EPHA7: variants seen among roughly 807,000 people sequenced by gnomAD.
The protein encoded by EPHA7 is EPH receptor A7.
Under a neutral mutation model 112.6 loss-of-function variants are expected in EPHA7, and 25 were observed. The observed-to-expected ratio is 0.22, with a 90% confidence interval of 0.16 to 0.31. The LOEUF (loss-of-function observed/expected upper bound fraction) is 0.31, where lower values mean the gene tolerates loss of function less well. EPHA7 is among the 10% of genes least tolerant of loss of function. The pLI is 1.00. For synonymous variants in EPHA7, 437 were observed against 406.5 expected (o/e 1.07, Z -0.90); for missense variants, 962 against 1,212.6 (o/e 0.79, Z 3.07).
At chr6:93,386,954 C>T (rs529662715) in intron 3 of EPHA7, among the ~76,000 whole-genome samples, 3 of 152,266 alleles carry the variant, frequency 2.0e-5, no homozygotes, top group East Asian at 3.9e-4. Flanking sequence ...CTGTCCTTTC[C>T]TCCTAGGCCT....
intron 3 of EPHA7, among the ~76,000 whole-genome samples, chr6:93,387,192 C>A (rs1777649773): frequency 6.6e-6 from 1 of 152,002 alleles, no homozygotes; most frequent in African/African-American, 2.4e-5. Context: ...TTAGAAATTT[C>A]TTCTGCCAGA....
chr6:93,377,412 CA>C (rs965914452), intron 3 of EPHA7, among the ~76,000 whole-genome samples: 3 of 149,620 alleles, frequency 2.0e-5, no homozygotes, highest in South Asian at 2.1e-4. Flanking sequence ...AATATTTAAA[CA>C]AAAAAAACCA....
intron 12 of EPHA7, among the ~76,000 whole-genome samples, chr6:93,256,401 A>G (rs957304094): frequency 1.3e-5 from 2 of 152,066 alleles, no homozygotes; most frequent in Non-Finnish European, 1.5e-5. Flanking sequence ...TAAATAATAT[A>G]AAAGTATATA....
At chr6:93,294,236 C>T (rs568261576) in intron 5 of EPHA7, among the ~76,000 whole-genome samples, 5 of 152,256 alleles carry the variant, frequency 3.3e-5, no homozygotes, top group South Asian at 4.1e-4. Context: ...AAGATGACAA[C>T]ATAGCCTGGG....
rs185165416 is a variant in EPHA7, at chr6:93,400,862, C to T, written c.832+9639G>A. Among the ~76,000 whole-genome samples, 3 of 152,134 alleles carry T rather than the reference C, an allele frequency of 2.0e-5. No individual in the cohort carries two copies. The East Asian group carries it at 5.8e-4, about 29-fold the overall frequency. ...AAGAATGATTTCTTTAAAAAGTAGA[C>T]TAGGTTATACTAATGTAATAGATTT... On this transcript the variant is annotated intron_variant, in intron 3 of 16. Transcript: ENST00000369303.
Position 93,419,452 on chromosome 6 carries a change from C to G in EPHA7, c.-111G>C. 1.3e-6 allele frequency: 1 copy of G among 778,686 alleles called. No individual in the cohort carries two copies. Among genetic ancestry groups the G allele is most frequent in the South Asian group, 1.9e-5 (1 of 54,048 alleles). 48.2% of individuals were successfully genotyped at this position (778,686 alleles called of 1,614,324 possible). ...TTATTGTGCTCCTTGCATCGATTCC[C>G]CTTCTCGGTCCCCGATCGGCTGCTC... On this transcript the variant is annotated 5_prime_UTR_variant, in exon 1 of 17. Coordinates refer to ENST00000369303, the MANE Select transcript of EPHA7 (RefSeq NM_004440.4).
chr6:93,305,102 GT>G (rs367638370), intron 5 of EPHA7, among the ~76,000 whole-genome samples: 21 of 150,082 alleles, frequency 1.4e-4, no homozygotes, highest in Middle Eastern at 3.4e-3. Flanking sequence ...ATTTTTATGT[GT>G]TTTTTTTTGT....
intron 3 of EPHA7, among the ~76,000 whole-genome samples, chr6:93,379,355 G>T (rs936991851): frequency 1.3e-5 from 2 of 151,662 alleles, no homozygotes; most frequent in African/African-American, 4.8e-5. Context: ...CTCTAGATTT[G>T]GCTCCAAAAA....
intron 3 of EPHA7, among the ~76,000 whole-genome samples, chr6:93,381,282 AT>A (rs1211842253): frequency 1.3e-5 from 2 of 152,202 alleles, no homozygotes; most frequent in Non-Finnish European, 2.9e-5. Flanking sequence ...AAAATTTATT[AT>A]TTTAAGTTAC....
chr6:93,382,411 G>A (rs995480591), intron 3 of EPHA7, among the ~76,000 whole-genome samples: 7 of 152,170 alleles, frequency 4.6e-5, no homozygotes, highest in East Asian at 1.9e-4. Flanking sequence ...GAAAAGGAGC[G>A]CAAGCGCAGG....
intron 5 of EPHA7, among the ~76,000 whole-genome samples, chr6:93,304,802 C>A (rs899810557): frequency 3.9e-5 from 6 of 152,020 alleles, no homozygotes; most frequent in African/African-American, 1.4e-4. Flanking sequence ...GTTTCCTTAC[C>A]ATTACCAGAA....
chr6:93,310,824 T>C (rs1773495373), intron 5 of EPHA7, among the ~76,000 whole-genome samples: 1 of 152,156 alleles, frequency 6.6e-6, no homozygotes, highest in African/African-American at 2.4e-5. Context: ...TGAGGGGGTT[T>C]GCCTTGATGT....
At chr6:93,328,642 C>T (rs2127897724) in intron 5 of EPHA7, among the ~76,000 whole-genome samples, 1 of 151,410 alleles carries the variant, frequency 6.6e-6, no homozygotes, top group South Asian at 2.1e-4. Flanking sequence ...ACCAAGATTT[C>T]TCCTAGGACA....
chr6:93,276,587 A>G (rs1399876750), intron 5 of EPHA7, among the ~76,000 whole-genome samples: 1 of 152,030 alleles, frequency 6.6e-6, no homozygotes, highest in Non-Finnish European at 1.5e-5. Flanking sequence ...TAAATTGTTC[A>G]CTGTTTGTGG....
At chr6:93,411,314 G>A (rs1171142152) in intron 2 of EPHA7, 144 bp from the exon 3 acceptor site, 1 of 660,232 alleles carries the variant, frequency 1.5e-6, no homozygotes, top group Non-Finnish European at 2.6e-6. Flanking sequence ...GAGAATGTAA[G>A]ATTCCAGGTT....
At chr6:93,276,199 T>C (rs1582431535) in intron 5 of EPHA7, among the ~76,000 whole-genome samples, 6 of 152,004 alleles carry the variant, frequency 3.9e-5, no homozygotes, top group Admixed American at 3.9e-4. Context: ...TTCTTCCCAG[T>C]GGGCACTATC....
At chr6:93,349,019 A>C (rs1314371234) in intron 5 of EPHA7, among the ~76,000 whole-genome samples, 1 of 151,840 alleles carries the variant, frequency 6.6e-6, no homozygotes, top group Admixed American at 6.6e-5. Context: ...CTTACATGAT[A>C]AATTCGGAAT....
At chr6:93,285,374 A>G (rs796680974) in intron 5 of EPHA7, among the ~76,000 whole-genome samples, 18 of 152,310 alleles carry the variant, frequency 1.2e-4, no homozygotes, top group African/African-American at 4.3e-4. Context: ...CATTTTATGA[A>G]TAAGTTTGGC....
chr6:93,327,484 A>C (rs1156672957), intron 5 of EPHA7, among the ~76,000 whole-genome samples: 1 of 151,510 alleles, frequency 6.6e-6, no homozygotes, highest in African/African-American at 2.4e-5. Flanking sequence ...TATCACACAT[A>C]AACTAGAGGC....
Sources: allele counts gnomAD v4.1 joint callset (sites outside exome capture counted in the v4.1 genomes callset), GRCh38; gene constraint gnomAD v4.1.1; transcripts MANE v1.5; gene names NCBI Gene and HGNC (gene_info 2026-07-23, HGNC 2026-07-21).